HNRNPF: variants seen among roughly 807,000 people sequenced by gnomAD.
HNRNPF encodes the protein heterogeneous nuclear ribonucleoprotein F, also known as HnRNP F protein.
In HNRNPF, 2 loss-of-function variants were observed where a neutral mutation model predicts 26.0. The ratio of observed to expected loss-of-function variants is 0.08; its 90% CI spans 0.03 to 0.24. HNRNPF has a LOEUF of 0.24. Among genes scored for constraint, HNRNPF ranks in the 10% least tolerant of loss-of-function variants. The probability of loss-of-function intolerance (pLI) is 1.00; values close to 1 mark genes in which losing one functional copy is unlikely to be tolerated. For missense variants in HNRNPF, 299 were observed against 539.2 expected (o/e 0.55, Z 4.41); for synonymous variants, 234 against 211.5 (o/e 1.11, Z -0.92).
At chr10:43,401,266 G>A (rs1588998536) in intron 1 of HNRNPF, among the ~76,000 whole-genome samples, 1 of 152,162 alleles carries the variant, frequency 6.6e-6, no homozygotes, top group South Asian at 2.1e-4. Context: ...AGTCTGGGGG[G>A]ATAACACACT....
chr10:43,393,983 C>G (rs990336758), intron 3 of HNRNPF, among the ~76,000 whole-genome samples: 1 of 152,216 alleles, frequency 6.6e-6, no homozygotes, highest in Non-Finnish European at 1.5e-5. Flanking sequence ...CAAAGGTCTT[C>G]TCATTATCCA....
intron 2 of HNRNPF, among the ~76,000 whole-genome samples, chr10:43,394,965 C>T (rs563520027): frequency 1.2e-4 from 19 of 152,278 alleles, no homozygotes; most frequent in East Asian, 3.9e-4. Context: ...GTATTACAGG[C>T]GTGCACCACC....
intron 1 of HNRNPF, among the ~76,000 whole-genome samples, chr10:43,400,924 A>G (rs954036043): frequency 6.6e-6 from 1 of 152,058 alleles, no homozygotes; most frequent in African/African-American, 2.4e-5. Flanking sequence ...TCTACTAAAA[A>G]TACAAAAATT....
chr10:43,390,873 G>A (rs1053023261), intron 3 of HNRNPF, among the ~76,000 whole-genome samples: 2 of 152,126 alleles, frequency 1.3e-5, no homozygotes, highest in African/African-American at 2.4e-5. Context: ...ACTGTAGGAT[G>A]TTTAGCTGCA....
At chr10:43,407,486 G>T (rs1048414236) in intron 1 of HNRNPF, among the ~76,000 whole-genome samples, 4 of 152,138 alleles carry the variant, frequency 2.6e-5, no homozygotes, top group South Asian at 2.1e-4. Flanking sequence ...GCGGCCTTGG[G>T]GGGAGGGCGA....
At chr10:43,395,682 T>TTCAA (rs1321091536) in intron 2 of HNRNPF, among the ~76,000 whole-genome samples, 1 of 152,196 alleles carries the variant, frequency 6.6e-6, no homozygotes, top group East Asian at 1.9e-4. Flanking sequence ...TCAAAAGGCT[T>TTCAA]CAACAATCCG....
chr10:43,403,606 T>C (rs1838820345), intron 1 of HNRNPF, among the ~76,000 whole-genome samples: 1 of 152,216 alleles, frequency 6.6e-6, no homozygotes, highest in African/African-American at 2.4e-5. Context: ...CATTTCAAAC[T>C]CAATCACTGC....
At position 43,396,462 on chromosome 10, in the gene HNRNPF, G is replaced by A. The variant is rs1292665146; in HGVS notation, c.-118C>T. 1 of 152,270 alleles carries A rather than the reference G, an allele frequency of 6.6e-6. No individual in the cohort carries two copies. Among genetic ancestry groups the A allele is most frequent in the African/African-American group, 2.4e-5 (1 of 41,448 alleles). The allele number at this position is 152,270 out of a possible 1,614,324, so 9.4% of individuals were successfully genotyped here. On this transcript the variant is annotated 5_prime_UTR_variant, in exon 2 of 4. Transcript: ENST00000682386. ...TTTCATGCTCTAGACTTACCACGGA[G>A]GCGAGCAGGACTGGTTTCTGTTGCT...
chr10:43,403,523 G>T (rs540765271), intron 1 of HNRNPF, among the ~76,000 whole-genome samples: 3 of 152,294 alleles, frequency 2.0e-5, no homozygotes, highest in South Asian at 4.1e-4. Flanking sequence ...CCAAGTATCA[G>T]TCAACCTAAT....
intron 1 of HNRNPF, among the ~76,000 whole-genome samples, chr10:43,403,553 T>C (rs1336518706): frequency 6.6e-6 from 1 of 152,182 alleles, no homozygotes; most frequent in African/African-American, 2.4e-5. Flanking sequence ...TATAAAGCGA[T>C]ATTATGACCA....
chr10:43,404,971 G>A (rs1460640289), intron 1 of HNRNPF, among the ~76,000 whole-genome samples: 3 of 152,148 alleles, frequency 2.0e-5, no homozygotes, highest in South Asian at 2.1e-4. Flanking sequence ...AAGACAGCCC[G>A]ACAAATATAA....
In HNRNPF at chr10:43,404,797, G is replaced by A. The variant is rs568908126; in HGVS notation, c.-247+4334C>T. 4.1e-4 allele frequency among the ~76,000 whole-genome samples: 63 copies of A among 152,186 alleles called. 1 individual carries two copies. Among genetic ancestry groups the A allele is most frequent in the Middle Eastern group, 3.4e-3 (1 of 294 alleles). On this transcript the variant is annotated intron_variant, in intron 1 of 3. Transcript: ENST00000682386. ...AGATCACACCATTGCACTCCAGCCT[G>A]GGCAACAAAACCAAAACTCCGTCTC...
At chr10:43,407,885 G>A (rs1412703773) in intron 1 of HNRNPF, 4 of 152,160 alleles carry the variant, frequency 2.6e-5, no homozygotes, top group East Asian at 1.9e-4. Context: ...GGCGCCTGCA[G>A]CCACGTGAGC....
intron 1 of HNRNPF, among the ~76,000 whole-genome samples, chr10:43,399,778 G>C (rs1240388685): frequency 1.3e-5 from 2 of 152,172 alleles, no homozygotes; most frequent in South Asian, 2.1e-4. Flanking sequence ...GAAATACTAC[G>C]CACCTAAAAG....
intron 1 of HNRNPF, among the ~76,000 whole-genome samples, chr10:43,402,690 G>C (rs758662845): frequency 1.3e-5 from 2 of 152,180 alleles, no homozygotes; most frequent in Non-Finnish European, 2.9e-5. Context: ...AATTAGAAAA[G>C]ATATGTATTT....
chr10:43,399,736 T>C (rs955953354), intron 1 of HNRNPF, among the ~76,000 whole-genome samples: 16 of 152,000 alleles, frequency 1.1e-4, no homozygotes, highest in African/African-American at 3.6e-4. Context: ...TAGAGAAAAA[T>C]GACTGAGTCT....
rs576607176 is a variant in HNRNPF at position 43,405,715 on chromosome 10, A to T, written c.-247+3416T>A. On this transcript the variant is annotated intron_variant, in intron 1 of 3. Transcript: ENST00000682386. ...AAACCCTGGATACTTGATATTTTGGAATGTATTTTTAGGCATGACAGCAGT... is the reference window on the plus strand; with the variant it reads ...AAACCCTGGATACTTGATATTTTGGTATGTATTTTTAGGCATGACAGCAGT... 7.9e-5 allele frequency among the ~76,000 whole-genome samples: 12 copies of T among 152,264 alleles called. No homozygotes were observed. In the East Asian group the frequency reaches 2.1e-3, roughly 27 times the overall value.
intron 3 of HNRNPF, among the ~76,000 whole-genome samples, chr10:43,392,376 T>A (rs1166263849): frequency 6.6e-6 from 1 of 152,042 alleles, no homozygotes; most frequent in East Asian, 1.9e-4. Flanking sequence ...CCGTCTCTAC[T>A]AAAAATACAA....
intron 1 of HNRNPF, among the ~76,000 whole-genome samples, chr10:43,406,617 AC>A (rs1047313614): frequency 1.3e-5 from 2 of 151,464 alleles, no homozygotes; most frequent in African/African-American, 4.9e-5. Context: ...TCCGTTGAGC[AC>A]AGGAGGATCT....
Sources: allele counts gnomAD v4.1 joint callset (sites outside exome capture counted in the v4.1 genomes callset), GRCh38; gene constraint gnomAD v4.1.1; transcripts MANE v1.5; gene names NCBI Gene and HGNC (gene_info 2026-07-23, HGNC 2026-07-21).